PRKN: variants seen among roughly 807,000 people sequenced by gnomAD.
PRKN encodes E3 ubiquitin-protein ligase parkin.
PRKN carries 56 observed loss-of-function variants against 59.5 expected under a neutral mutation model. The observed-to-expected ratio is 0.94, with a 90% confidence interval of 0.76 to 1.18. The LOEUF (loss-of-function observed/expected upper bound fraction) is 1.18. Ranked by LOEUF, PRKN falls within the 50% of genes most tolerant of loss-of-function variation. PRKN has a pLI of 0.00. For synonymous variants in PRKN, 250 were observed against 222.1 expected, an observed-to-expected ratio of 1.13 and a Z score of -1.12; for missense variants, 657 against 596.4, an observed-to-expected ratio of 1.10 and a Z score of -1.06.
intron 2 of PRKN, among the ~76,000 whole-genome samples, chr6:162,302,446 G>T (rs1361536622): frequency 6.6e-6 from 1 of 152,134 alleles, no homozygotes; most frequent in African/African-American, 2.4e-5. Flanking sequence ...AATCATGAGA[G>T]AAATTCAACA....
At chr6:162,538,118 G>A (rs180853432) in intron 1 of PRKN, among the ~76,000 whole-genome samples, 142 of 152,242 alleles carry the variant, frequency 9.3e-4, no homozygotes, top group African/African-American at 3.2e-3. Flanking sequence ...CAAATACCTC[G>A]GCGGGTGCGG....
intron 2 of PRKN, among the ~76,000 whole-genome samples, chr6:162,395,879 A>G (rs979140848): frequency 6.6e-6 from 1 of 152,172 alleles, no homozygotes; most frequent in African/African-American, 2.4e-5. Flanking sequence ...TTCTTCAAAC[A>G]CAGCATTATC....
At chr6:161,945,599 A>G (rs928668212) in intron 6 of PRKN, among the ~76,000 whole-genome samples, 2 of 152,134 alleles carry the variant, frequency 1.3e-5, no homozygotes, top group Non-Finnish European at 2.9e-5. Context: ...CTTTCTTTTT[A>G]TCTCAAATTT....
chr6:162,521,881 A>C (rs184810869), intron 1 of PRKN, among the ~76,000 whole-genome samples: 4 of 152,304 alleles, frequency 2.6e-5, no homozygotes, highest in African/African-American at 9.6e-5. Context: ...GCAAGTAAGC[A>C]TGAATAGAAT....
intron 6 of PRKN, among the ~76,000 whole-genome samples, chr6:161,910,138 T>C (rs922824450): frequency 6.6e-6 from 1 of 152,228 alleles, no homozygotes; most frequent in Admixed American, 6.5e-5. Flanking sequence ...AATCTCATGA[T>C]AAATCTTGAA....
At chr6:162,368,134 G>A (rs898283490) in intron 2 of PRKN, among the ~76,000 whole-genome samples, 5 of 152,166 alleles carry the variant, frequency 3.3e-5, no homozygotes, top group South Asian at 4.1e-4. Context: ...GTTTCCTCCC[G>A]AGCCAAGCAT....
intron 1 of PRKN, among the ~76,000 whole-genome samples, chr6:162,620,476 T>C (rs907913711): frequency 3.3e-5 from 5 of 152,216 alleles, no homozygotes; most frequent in Non-Finnish European, 5.9e-5. Flanking sequence ...ATACTATTCA[T>C]TGCAAAATGT....
In PRKN at chr6:161,551,737, C is replaced by T. The variant is rs896665496; in HGVS notation, c.934-2734G>A. ...TTTGCCAGTAAAAGGGAGCAGAGAT[C>T]GGGGAGGCCATTGGATAGGACTCTG... On this transcript the variant is annotated intron_variant, in intron 8 of 11. Coordinates refer to ENST00000366898, the MANE Select transcript of PRKN (RefSeq NM_004562.3). The surrounding 1 kb of genome is among the most constrained non-coding windows in gnomAD (Gnocchi z 5.2). 6.6e-6 allele frequency among the ~76,000 whole-genome samples: 1 copy of T among 152,090 alleles called. No individual in the cohort carries two copies. The highest frequency in any genetic ancestry group is 2.4e-5 in the African/African-American group (1 of 41,412).
chr6:162,583,312 T>C (rs1256448826), intron 1 of PRKN, among the ~76,000 whole-genome samples: 1 of 152,228 alleles, frequency 6.6e-6, no homozygotes, highest in African/African-American at 2.4e-5. Context: ...GACCATTCTA[T>C]GTGGCAAAGG....
At chr6:162,676,545 G>T (rs1584030121) in intron 1 of PRKN, among the ~76,000 whole-genome samples, 1 of 152,124 alleles carries the variant, frequency 6.6e-6, no homozygotes, top group Non-Finnish European at 1.5e-5. Context: ...AAGTGCCCAA[G>T]AATTAAGGCA....
intron 4 of PRKN, among the ~76,000 whole-genome samples, chr6:162,159,481 C>T (rs2849596): frequency 0.1 from 15,622 of 152,122 alleles, 1,475 homozygotes; most frequent in East Asian, 0.4. Flanking sequence ...AAATGGTAAG[C>T]ATGTCTTTTA....
chr6:161,421,507 T>C (rs1229923885), intron 9 of PRKN, among the ~76,000 whole-genome samples: 1 of 152,168 alleles, frequency 6.6e-6, no homozygotes, highest in Non-Finnish European at 1.5e-5. Context: ...TGAGGGTGGA[T>C]AGAGAGTATG....
intron 2 of PRKN, among the ~76,000 whole-genome samples, chr6:162,341,774 A>G (rs139110458): frequency 0.011 from 1,611 of 151,958 alleles, 38 homozygotes; most frequent in African/African-American, 0.037. Context: ...GGGGGATGGG[A>G]GTGGATAGCA....
At chr6:162,399,219 A>G (rs1164140117) in intron 2 of PRKN, among the ~76,000 whole-genome samples, 1 of 152,182 alleles carries the variant, frequency 6.6e-6, no homozygotes, top group African/African-American at 2.4e-5. Context: ...GAAGCCAGAG[A>G]TATTGTCATG....
chr6:162,023,510 C>A (rs1207701238), intron 5 of PRKN, among the ~76,000 whole-genome samples: 1 of 152,106 alleles, frequency 6.6e-6, no homozygotes, highest in African/African-American at 2.4e-5. Context: ...CCACGTGGTT[C>A]TGCTGGTCGC....
intron 7 of PRKN, among the ~76,000 whole-genome samples, chr6:161,604,004 C>T (rs1462937224): frequency 6.6e-6 from 1 of 152,150 alleles, no homozygotes; most frequent in African/African-American, 2.4e-5. Context: ...GGAAGTGGGC[C>T]CTCGCCAGAC....
chr6:161,840,595 C>T (rs961797490), intron 6 of PRKN, among the ~76,000 whole-genome samples: 1 of 152,048 alleles, frequency 6.6e-6, no homozygotes, highest in African/African-American at 2.4e-5. Context: ...GCCTCTCCCT[C>T]CTCCCACCCT....
intron 4 of PRKN, among the ~76,000 whole-genome samples, chr6:162,108,568 C>T (rs746027314): frequency 6.6e-6 from 1 of 152,034 alleles, no homozygotes; most frequent in Admixed American, 6.6e-5. Flanking sequence ...GATAATTAGA[C>T]TGAATTCTAA....
rs190458456 is a variant in PRKN at position 162,673,027 on chromosome 6, T to C, written c.7+54635A>G. Among the ~76,000 whole-genome samples the C allele has an allele frequency of 2.3e-3, 343 of 152,344 alleles. 8 individuals are homozygous for C. The highest frequency in any genetic ancestry group is 0.021 in the Admixed American group (318 of 15,304). On this transcript the variant is annotated intron_variant, in intron 1 of 11. Transcript: ENST00000366898. ...AGATGAAAATGGGAAACAAGTTTAA[T>C]AGCCAAGAGCAAAGCATTCAATATG... is the stretch of plus-strand genomic sequence containing the variant.
Sources: allele counts gnomAD v4.1 joint callset (sites outside exome capture counted in the v4.1 genomes callset), GRCh38; gene constraint gnomAD v4.1.1; non-coding constraint Gnocchi (gnomAD v3.1); transcripts MANE v1.5; gene names NCBI Gene and HGNC (gene_info 2026-07-23, HGNC 2026-07-21).